SLCO6A1: variants seen among roughly 807,000 people sequenced by gnomAD.
The protein encoded by SLCO6A1 is solute carrier organic anion transporter family member 6A1.
A neutral mutation model predicts 72.7 loss-of-function variants in SLCO6A1; 65 were observed. The observed-to-expected ratio is 0.89, with a 90% CI of 0.73 to 1.10. The LOEUF is 1.10. SLCO6A1 is among the 50% of genes least tolerant of loss of function. SLCO6A1 has a pLI of 0.00. For synonymous variants in SLCO6A1, 314 were observed against 298.2 expected (o/e 1.05, Z -0.55); for missense variants, 874 against 872.6 (o/e 1.00, Z -0.02).
intron 5 of SLCO6A1, 88 bp from the exon 6 acceptor site, chr5:102,458,579 A>C: frequency 1.2e-6 from 1 of 800,648 alleles, no homozygotes; most frequent in East Asian, 2.6e-5. Flanking sequence ...TAATAAATTC[A>C]ATTAATCCTG....
chr5:102,424,411 C>A (rs546304641), intron 7 of SLCO6A1, among the ~76,000 whole-genome samples: 39 of 151,864 alleles, frequency 2.6e-4, no homozygotes, highest in Non-Finnish European at 4.6e-4. Context: ...AAGAATCAAA[C>A]AGACACAATA....
At chr5:102,474,085 A>T (rs1751769723) in intron 4 of SLCO6A1, among the ~76,000 whole-genome samples, 1 of 151,740 alleles carries the variant, frequency 6.6e-6, no homozygotes, top group South Asian at 2.1e-4. Context: ...TAGAAAAAAA[A>T]TCATGTGGAA....
intron 9 of SLCO6A1, among the ~76,000 whole-genome samples, chr5:102,409,512 C>T (rs1297284123): frequency 4.0e-5 from 6 of 151,736 alleles, no homozygotes; most frequent in Admixed American, 3.9e-4. Flanking sequence ...CGATCTTTTC[C>T]CATTTGAAAT....
intron 6 of SLCO6A1, among the ~76,000 whole-genome samples, chr5:102,439,344 T>C (rs970575644): frequency 1.3e-5 from 2 of 152,134 alleles, no homozygotes; most frequent in African/African-American, 4.8e-5. Flanking sequence ...TATTATCTAA[T>C]ATACTACACA....
intron 6 of SLCO6A1, among the ~76,000 whole-genome samples, chr5:102,444,827 T>C (rs1750022659): frequency 6.6e-6 from 1 of 152,154 alleles, no homozygotes; most frequent in Non-Finnish European, 1.5e-5. Context: ...GGGGGTGTGG[T>C]TTCAGAAAAT....
chr5:102,464,149 T>C (rs751889861), intron 4 of SLCO6A1, among the ~76,000 whole-genome samples: 22 of 151,236 alleles, frequency 1.5e-4, no homozygotes, highest in Admixed American at 3.9e-4. Flanking sequence ...AAAGAACTTA[T>C]TCAGGTAACA....
At chr5:102,384,956 CTAAGCATAATGGCT>C (rs1746325864) in intron 12 of SLCO6A1, among the ~76,000 whole-genome samples, 1 of 152,116 alleles carries the variant, frequency 6.6e-6, no homozygotes, top group Admixed American at 6.6e-5. Flanking sequence ...GGGAGCAGGC[CTAAGCATAATGGCT>C]TAAGATCTTC....
intron 13 of SLCO6A1, 113 bp downstream of exon 13, chr5:102,373,224 A>T (rs1750721495): frequency 1.6e-6 from 1 of 633,234 alleles, no homozygotes. Context: ...AATATAATAA[A>T]ATATATAGAA....
chr5:102,495,263 C>T (rs1355859798), intron 1 of SLCO6A1, among the ~76,000 whole-genome samples: 1 of 152,130 alleles, frequency 6.6e-6, no homozygotes, highest in Non-Finnish European at 1.5e-5. Flanking sequence ...TGCAAAGGGG[C>T]ATGAAGAAAA....
chr5:102,433,660 C>T (rs1749342717), intron 7 of SLCO6A1, among the ~76,000 whole-genome samples: 1 of 152,122 alleles, frequency 6.6e-6, no homozygotes, highest in African/African-American at 2.4e-5. Context: ...TCCTGGACTG[C>T]TGGTCACAAC....
chr5:102,458,941 T>C (rs1326039224), intron 5 of SLCO6A1, among the ~76,000 whole-genome samples: 1 of 152,212 alleles, frequency 6.6e-6, no homozygotes, highest in Non-Finnish European at 1.5e-5. Flanking sequence ...TATTTTTCAG[T>C]GTTTCTAAGA....
chr5:102,456,658 G>A lies in SLCO6A1; in HGVS notation c.1131+1724C>T, dbSNP rs557682168. ...CTCATGGGTAGGAAGAATCAATATCGTGAAAATGGCCATACTGCCCAAGGT... is the reference window on the plus strand; with the variant it reads ...CTCATGGGTAGGAAGAATCAATATCATGAAAATGGCCATACTGCCCAAGGT... On this transcript the variant is annotated intron_variant, in intron 6 of 13. Coordinates refer to ENST00000506729, the MANE Select transcript of SLCO6A1 (RefSeq NM_173488.5). 4.1e-3 allele frequency among the ~76,000 whole-genome samples: 630 copies of A among 152,176 alleles called. 7 individuals are homozygous for A. The highest frequency in any genetic ancestry group is 0.015 in the African/African-American group (604 of 41,514).
chr5:102,459,517 C>G (rs1026044362), intron 5 of SLCO6A1, 139 bp downstream of exon 5: 47 of 927,098 alleles, frequency 5.1e-5, no homozygotes, highest in Non-Finnish European at 6.8e-5. Context: ...GCACTTGACA[C>G]TGTATCTCTA....
rs141906901 is a variant in SLCO6A1, at chr5:102,383,086, A to ATG, written c.2017+5600_2017+5601dup. 2.9e-4 allele frequency among the ~76,000 whole-genome samples: 34 copies of ATG among 116,352 alleles called. No homozygotes were observed. The South Asian group carries it at 5.7e-3, about 19-fold the overall frequency. 76.3% of individuals were successfully genotyped at this position (116,352 alleles called of 152,430 possible). A position where few individuals can be genotyped will look rare whatever the true frequency, so the allele number is the denominator to read the frequency against. ...CAAAAACTATATATAGTGTATGTAT[A>ATG]TGTGTGTGAATATATATATATATAG... On this transcript the variant is annotated intron_variant, in intron 12 of 13. Transcript: ENST00000506729.
chr5:102,384,895 T>C (rs556779214), intron 12 of SLCO6A1, among the ~76,000 whole-genome samples: 18 of 152,206 alleles, frequency 1.2e-4, no homozygotes, highest in Non-Finnish European at 2.1e-4. Flanking sequence ...CTCTCTCTTT[T>C]TAAGCAAAAA....
At chr5:102,445,951 T>G (rs1270019302) in intron 6 of SLCO6A1, among the ~76,000 whole-genome samples, 2 of 152,228 alleles carry the variant, frequency 1.3e-5, no homozygotes, top group African/African-American at 4.8e-5. Context: ...ACCAGTACCA[T>G]GCTGTTTTAG....
intron 12 of SLCO6A1, among the ~76,000 whole-genome samples, chr5:102,378,806 A>G (rs1745951943): frequency 6.6e-6 from 1 of 151,896 alleles, no homozygotes; most frequent in Non-Finnish European, 1.5e-5. Flanking sequence ...TTTGAGACAG[A>G]GTTTCACGCT....
intron 8 of SLCO6A1, among the ~76,000 whole-genome samples, chr5:102,418,087 T>C (rs1735010426): frequency 6.7e-6 from 1 of 150,138 alleles, no homozygotes; most frequent in Non-Finnish European, 1.5e-5. Context: ...TAAAGGTGAC[T>C]TTTTTTTAAG....
intron 4 of SLCO6A1, 25 bp downstream of exon 4, chr5:102,475,671 CA>C (rs768098667): frequency 2.5e-5 from 39 of 1,532,724 alleles, no homozygotes; most frequent in Non-Finnish European, 2.9e-5. Context: ...ACAATGTAAA[CA>C]AAAAAAGAAA....
Sources: gnomAD v4.1 joint callset for allele counts (sites outside exome capture counted in the v4.1 genomes callset) on GRCh38, gnomAD v4.1.1 for gene constraint, MANE v1.5 for transcripts, NCBI Gene and HGNC (gene_info 2026-07-23, HGNC 2026-07-21) for gene names.